TPD52: variants seen among roughly 807,000 people sequenced by gnomAD.
TPD52 encodes the protein tumor protein D52, also known as prostate and colon associated protein.
In TPD52, 17 loss-of-function variants were observed where a neutral mutation model predicts 31.3. The ratio of observed to expected loss-of-function variants is 0.54; its 90% CI spans 0.37 to 0.82. The LOEUF is 0.82. TPD52 is among the 40% of genes least tolerant of loss of function. The pLI, the probability that TPD52 is intolerant of heterozygous loss-of-function variation, is 0.00. For synonymous variants in TPD52, 83 were observed against 89.6 expected (o/e 0.93, Z 0.42); for missense variants, 212 against 240.1 (o/e 0.88, Z 0.77).
chr8:80,133,658 A>C (rs1361203344), intron 1 of TPD52, among the ~76,000 whole-genome samples: 9 of 151,780 alleles, frequency 5.9e-5, no homozygotes, highest in Non-Finnish European at 1.0e-4. Context: ...CCACCACTGG[A>C]CCTTAGGTCT....
At chr8:80,059,639 A>G (rs949986457) in intron 2 of TPD52, among the ~76,000 whole-genome samples, 11 of 152,178 alleles carry the variant, frequency 7.2e-5, no homozygotes, top group African/African-American at 2.7e-4. Context: ...AGATCACCTG[A>G]GGTGAGGAGT....
chr8:80,088,980 C>CCA (rs1201240130), intron 1 of TPD52, among the ~76,000 whole-genome samples: 1 of 152,210 alleles, frequency 6.6e-6, no homozygotes, highest in Non-Finnish European at 1.5e-5. Flanking sequence ...CAGGCGTGAA[C>CCA]CACTGCGCCT....
intron 1 of TPD52, among the ~76,000 whole-genome samples, chr8:80,121,182 GATCATT>G (rs1172264181): frequency 5.9e-5 from 9 of 151,590 alleles, no homozygotes; most frequent in African/African-American, 2.2e-4. Flanking sequence ...ACATATCCAA[GATCATT>G]ATCAAGACGT....
intron 1 of TPD52, among the ~76,000 whole-genome samples, chr8:80,155,373 C>T (rs1309622027): frequency 5.9e-5 from 9 of 152,100 alleles, no homozygotes; most frequent in Admixed American, 5.9e-4. Flanking sequence ...GAAGAAGATT[C>T]AGCAAGTGCA....
At chr8:80,105,404 C>CCTGTT (rs1233319831) in intron 1 of TPD52, among the ~76,000 whole-genome samples, 1 of 152,220 alleles carries the variant, frequency 6.6e-6, no homozygotes, top group Non-Finnish European at 1.5e-5. Flanking sequence ...AAATCCCTGT[C>CCTGTT]CTGTTCTGTT....
At chr8:80,097,684 G>A (rs1327933351) in intron 1 of TPD52, among the ~76,000 whole-genome samples, 1 of 152,190 alleles carries the variant, frequency 6.6e-6, no homozygotes, top group African/African-American at 2.4e-5. Flanking sequence ...GTGAAACTGT[G>A]AGCCAATTAA....
At chr8:80,158,191 C>CTT (rs1811100248) in intron 1 of TPD52, among the ~76,000 whole-genome samples, 2 of 151,662 alleles carry the variant, frequency 1.3e-5, no homozygotes, top group African/African-American at 4.8e-5. Context: ...GTTGCCTTCC[C>CTT]TTTACCATTC....
chr8:80,166,016 T>C (rs565769724), intron 1 of TPD52, among the ~76,000 whole-genome samples: 75 of 152,264 alleles, frequency 4.9e-4, no homozygotes, highest in African/African-American at 1.6e-3. Context: ...CAAATGGCCA[T>C]TAAAAATGGA....
At chr8:80,074,591 A>T (rs986872448) in intron 1 of TPD52, among the ~76,000 whole-genome samples, 3 of 152,086 alleles carry the variant, frequency 2.0e-5, no homozygotes, top group African/African-American at 7.2e-5. Flanking sequence ...CCCACTCACC[A>T]GATGTCAGTA....
chr8:80,057,438 T>A (rs1812018394), intron 2 of TPD52, among the ~76,000 whole-genome samples: 1 of 152,168 alleles, frequency 6.6e-6, no homozygotes. Context: ...CCAACCCCGG[T>A]GCCCACTGTC....
At chr8:80,137,018 A>G (rs1234818933) in intron 1 of TPD52, among the ~76,000 whole-genome samples, 1 of 152,208 alleles carries the variant, frequency 6.6e-6, no homozygotes, top group East Asian at 1.9e-4. Flanking sequence ...ACAAAATTTC[A>G]ATCTTTTCCA....
At chr8:80,126,944 C>CA (rs1330568660) in intron 1 of TPD52, among the ~76,000 whole-genome samples, 1 of 151,904 alleles carries the variant, frequency 6.6e-6, no homozygotes, top group Non-Finnish European at 1.5e-5. Context: ...CCTGTCTCTA[C>CA]AAAAAAATTT....
intron 1 of TPD52, among the ~76,000 whole-genome samples, chr8:80,168,861 C>T (rs540060554): frequency 6.6e-6 from 1 of 152,314 alleles, no homozygotes; most frequent in South Asian, 2.1e-4. Context: ...GGACACTTTC[C>T]TCACTCATCT....
intron 1 of TPD52, among the ~76,000 whole-genome samples, chr8:80,160,140 A>G (rs2131249660): frequency 6.6e-6 from 1 of 152,156 alleles, no homozygotes; most frequent in Middle Eastern, 3.4e-3. Context: ...GCAGTGAGCC[A>G]TGATTGCACC....
Position 80,038,162 on chromosome 8 carries a change from G to A in TPD52, c.578C>T (p.Ala193Val), listed in dbSNP as rs1329734595. ...EVLNSAANAS[A>V]TTTEPLPEKT... Reference sequence around the variant, plus strand: ...TTCTGGAAGAGGCTCCGTGGTGGTGGCACTAGCATTTGCAGCCGAATTCAA... The same window carrying A: ...TTCTGGAAGAGGCTCCGTGGTGGTGACACTAGCATTTGCAGCCGAATTCAA... Residue 193 changes from alanine to valine, a missense_variant, in exon 8 of 8, where the codon GCC becomes GTC. Ala to Val is a moderately conservative substitution (Grantham distance 64, BLOSUM62 0). Transcript: ENST00000518937. 2 of 1,613,884 alleles carry A rather than the reference G, an allele frequency of 1.2e-6. No homozygotes were observed. Among genetic ancestry groups the A allele is most frequent in the East Asian group, 2.2e-5 (1 of 44,892 alleles).
intron 1 of TPD52, among the ~76,000 whole-genome samples, chr8:80,091,530 G>A (rs1279159298): frequency 2.0e-5 from 3 of 151,988 alleles, no homozygotes; most frequent in South Asian, 2.1e-4. Context: ...TCAGTACATG[G>A]TCCTGCCACT....
chr8:80,134,254 G>T (rs1809234184), intron 1 of TPD52, among the ~76,000 whole-genome samples: 1 of 152,160 alleles, frequency 6.6e-6, no homozygotes, highest in African/African-American at 2.4e-5. Context: ...ACCCTATGAG[G>T]GGCACTGCAA....
At chr8:80,141,414 G>A (rs1809820144) in intron 1 of TPD52, among the ~76,000 whole-genome samples, 1 of 152,172 alleles carries the variant, frequency 6.6e-6, no homozygotes, top group Non-Finnish European at 1.5e-5. Context: ...GGGAAGCCAC[G>A]TTGTGAACAG....
intron 1 of TPD52, among the ~76,000 whole-genome samples, chr8:80,128,736 C>T (rs1397944546): frequency 6.6e-6 from 1 of 151,668 alleles, no homozygotes; most frequent in Non-Finnish European, 1.5e-5. Context: ...CAGACAGATA[C>T]TAATACTGGT....
Sources: allele counts gnomAD v4.1 joint callset (sites outside exome capture counted in the v4.1 genomes callset), GRCh38; gene constraint gnomAD v4.1.1; transcripts MANE v1.5; gene names NCBI Gene and HGNC (gene_info 2026-07-23, HGNC 2026-07-21).